The following PDGFD variants were observed in gnomAD, a reference collection of about 807,000 sequenced individuals.
The protein encoded by PDGFD is platelet-derived growth factor D.
PDGFD carries 30 observed loss-of-function variants against 44.7 expected under a neutral mutation model. The observed-to-expected ratio is 0.67, with a 90% CI of 0.50 to 0.91. PDGFD has a LOEUF of 0.91. Among genes scored for constraint, PDGFD ranks in the 40% least tolerant of loss-of-function variants. PDGFD has a pLI of 0.00. For synonymous variants in PDGFD, 173 were observed against 168.4 expected (o/e 1.03, Z -0.21); for missense variants, 445 against 457.8 (o/e 0.97, Z 0.25).
chr11:104,154,941 C>T (rs1356654769), intron 1 of PDGFD, among the ~76,000 whole-genome samples: 1 of 152,150 alleles, frequency 6.6e-6, no homozygotes, highest in East Asian at 1.9e-4. Flanking sequence ...GCATCTGCTC[C>T]AAGCTATTAA....
intron 1 of PDGFD, among the ~76,000 whole-genome samples, chr11:104,144,700 AT>A (rs1175459983): frequency 2.0e-5 from 3 of 152,174 alleles, no homozygotes; most frequent in Non-Finnish European, 4.4e-5. Flanking sequence ...GACAAAAGGT[AT>A]CTGCAATACT....
intron 1 of PDGFD, among the ~76,000 whole-genome samples, chr11:104,136,557 T>C (rs1862007492): frequency 6.6e-6 from 1 of 152,234 alleles, no homozygotes; most frequent in Non-Finnish European, 1.5e-5. Flanking sequence ...TCTTCAATAT[T>C]ACAAATCCTG....
intron 3 of PDGFD, among the ~76,000 whole-genome samples, chr11:103,966,026 G>C (rs1022137429): frequency 1.3e-5 from 2 of 152,164 alleles, no homozygotes; most frequent in African/African-American, 4.8e-5. Context: ...AGGAAAAGGA[G>C]ACTTATTTCA....
intron 3 of PDGFD, among the ~76,000 whole-genome samples, chr11:103,970,459 A>G (rs1051232189): frequency 6.6e-6 from 1 of 152,138 alleles, no homozygotes; most frequent in Non-Finnish European, 1.5e-5. Context: ...AGAGTGCTAC[A>G]GCCTAGGAAT....
At chr11:104,054,647 G>A (rs1860594426) in intron 1 of PDGFD, among the ~76,000 whole-genome samples, 2 of 152,336 alleles carry the variant, frequency 1.3e-5, no homozygotes, top group Admixed American at 1.3e-4. Flanking sequence ...ATAGATAGGA[G>A]AGGAGAAAGT....
chr11:103,959,172 G>A (rs145578600), intron 3 of PDGFD, among the ~76,000 whole-genome samples: 65 of 152,202 alleles, frequency 4.3e-4, no homozygotes, highest in Non-Finnish European at 7.9e-4. Flanking sequence ...GTGACTTTGC[G>A]TTGTGACACC....
At chr11:104,112,186 T>C (rs895336195) in intron 1 of PDGFD, among the ~76,000 whole-genome samples, 1 of 152,122 alleles carries the variant, frequency 6.6e-6, no homozygotes, top group Admixed American at 6.6e-5. Context: ...AACTTAAGAA[T>C]AGGGCCTGTA....
At chr11:104,043,206 T>C (rs1181086982) in intron 1 of PDGFD, among the ~76,000 whole-genome samples, 1 of 152,154 alleles carries the variant, frequency 6.6e-6, no homozygotes, top group South Asian at 2.1e-4. Flanking sequence ...AGACACTAAA[T>C]ACAACAAGGA....
At chr11:103,920,829 T>C (rs1858204019) in intron 6 of PDGFD, among the ~76,000 whole-genome samples, 1 of 152,254 alleles carries the variant, frequency 6.6e-6, no homozygotes, top group Admixed American at 6.5e-5. Context: ...TTTACTGTTC[T>C]GGATCATATC....
chr11:104,145,849 T>C (rs960276437), intron 1 of PDGFD, among the ~76,000 whole-genome samples: 1 of 152,190 alleles, frequency 6.6e-6, no homozygotes, highest in Non-Finnish European at 1.5e-5. Context: ...ATAGGACACG[T>C]GTTCTTTTAA....
chr11:104,108,468 T>C (rs1342229068), intron 1 of PDGFD, among the ~76,000 whole-genome samples: 28 of 152,096 alleles, frequency 1.8e-4, no homozygotes, highest in East Asian at 1.9e-4. Context: ...CATCACTGGC[T>C]ATCAGAGAAA....
chr11:104,120,500 C>T (rs995979211), intron 1 of PDGFD, among the ~76,000 whole-genome samples: 2 of 151,848 alleles, frequency 1.3e-5, no homozygotes, highest in African/African-American at 2.4e-5. Context: ...GCACCAACGG[C>T]CTTCGATCAT....
chr11:104,100,789 G>C (rs1001161819), intron 1 of PDGFD, among the ~76,000 whole-genome samples: 5 of 152,138 alleles, frequency 3.3e-5, no homozygotes. Flanking sequence ...TGCAAGACTG[G>C]TTCAACATAA....
chr11:104,001,279 C>T (rs1390600940), intron 1 of PDGFD, among the ~76,000 whole-genome samples: 1 of 152,216 alleles, frequency 6.6e-6, no homozygotes, highest in Non-Finnish European at 1.5e-5. Flanking sequence ...CATTGATGTA[C>T]TAGCAGGCTG....
chr11:104,054,476 T>TA (rs1158229367), intron 1 of PDGFD, among the ~76,000 whole-genome samples: 1 of 152,008 alleles, frequency 6.6e-6, no homozygotes, highest in Non-Finnish European at 1.5e-5. Flanking sequence ...CAAAAACACA[T>TA]ATGTGGGAAA....
chr11:104,128,364 CA>C (rs1861869328), intron 1 of PDGFD, among the ~76,000 whole-genome samples: 1 of 152,132 alleles, frequency 6.6e-6, no homozygotes, highest in Non-Finnish European at 1.5e-5. Context: ...TGCCCAAACA[CA>C]GCTCCACCTA....
intron 1 of PDGFD, among the ~76,000 whole-genome samples, chr11:104,113,206 T>C (rs551770508): frequency 2.1e-4 from 32 of 152,236 alleles, no homozygotes; most frequent in Admixed American, 6.6e-4. Flanking sequence ...TATCAATTCA[T>C]TTTTAATAAT....
chr11:104,092,948 C>T (rs1347408984), intron 1 of PDGFD, among the ~76,000 whole-genome samples: 1 of 152,126 alleles, frequency 6.6e-6, no homozygotes, highest in Non-Finnish European at 1.5e-5. Flanking sequence ...CGAAGATTTT[C>T]CTGTGACATT....
intron 1 of PDGFD, among the ~76,000 whole-genome samples, chr11:104,056,144 C>T (rs913155244): frequency 6.6e-6 from 1 of 152,038 alleles, no homozygotes; most frequent in African/African-American, 2.4e-5. Context: ...AAAAGAGGGA[C>T]AGAATAATCC....
Sources: allele counts gnomAD v4.1 joint callset (sites outside exome capture counted in the v4.1 genomes callset), GRCh38; gene constraint gnomAD v4.1.1; transcripts MANE v1.5; gene names NCBI Gene and HGNC (gene_info 2026-07-23, HGNC 2026-07-21).